LINGO2: variants seen among roughly 807,000 people sequenced by gnomAD.
The protein encoded by LINGO2 is leucine rich repeat and Ig domain containing 2.
Under a neutral mutation model 30.6 loss-of-function variants are expected in LINGO2, and 14 were observed. The ratio of observed to expected loss-of-function variants is 0.46; its 90% CI spans 0.30 to 0.72. The LOEUF is 0.72. Among genes scored for constraint, LINGO2 ranks in the 30% least tolerant of loss-of-function variants. The pLI is 0.07. For missense variants in LINGO2, 729 were observed against 751.7 expected (o/e 0.97, Z 0.35); for synonymous variants, 317 against 288.5 (o/e 1.10, Z -1.00).
chr9:28,184,480 A>T (rs1288362738), intron 4 of LINGO2, among the ~76,000 whole-genome samples: 2 of 152,144 alleles, frequency 1.3e-5, no homozygotes, highest in Admixed American at 1.3e-4. Flanking sequence ...GAACTTCTTA[A>T]GGTTCGACTT....
At chr9:28,240,565 G>T (rs1821746703) in intron 4 of LINGO2, among the ~76,000 whole-genome samples, 1 of 152,114 alleles carries the variant, frequency 6.6e-6, no homozygotes, top group Admixed American at 6.6e-5. Flanking sequence ...TTCAATAAAT[G>T]GTGCTGGGAA....
At chr9:28,321,127 C>A (rs1405744660) in intron 3 of LINGO2, among the ~76,000 whole-genome samples, 2 of 152,080 alleles carry the variant, frequency 1.3e-5, no homozygotes, top group African/African-American at 4.8e-5. Flanking sequence ...GAAATTAAAA[C>A]ACTCACTTCA....
intron 4 of LINGO2, among the ~76,000 whole-genome samples, chr9:28,243,704 G>GGGA (rs755117670): frequency 6.6e-6 from 1 of 151,766 alleles, no homozygotes; most frequent in Non-Finnish European, 1.5e-5. Context: ...AACCAAAAAA[G>GGGA]ATTAAAAGAA....
intron 2 of LINGO2, among the ~76,000 whole-genome samples, chr9:28,419,622 G>T (rs1315787698): frequency 6.7e-6 from 1 of 149,648 alleles, no homozygotes; most frequent in African/African-American, 2.5e-5. Flanking sequence ...AAAAAGAAAA[G>T]AAAATATCAC....
At chr9:28,123,107 G>A (rs1318131481) in intron 4 of LINGO2, among the ~76,000 whole-genome samples, 3 of 152,000 alleles carry the variant, frequency 2.0e-5, no homozygotes, top group Non-Finnish European at 4.4e-5. Flanking sequence ...TTTTTGTTGA[G>A]ATCAAAGTTG....
chr9:28,304,480 G>C (rs1388138688), intron 3 of LINGO2, among the ~76,000 whole-genome samples: 5 of 151,790 alleles, frequency 3.3e-5, no homozygotes, highest in African/African-American at 1.2e-4. Flanking sequence ...GTATATCCCT[G>C]AAACCAACAC....
At position 28,589,290 on chromosome 9, in the gene LINGO2, G is replaced by A. The variant is rs570732754; in HGVS notation, c.-365+80910C>T. Among the ~76,000 whole-genome samples, 25 of 152,224 alleles carry A rather than the reference G, an allele frequency of 1.6e-4. No homozygotes were observed. The South Asian group carries it at 5.0e-3, about 30-fold the overall frequency. On this transcript the variant is annotated intron_variant, in intron 1 of 5. Transcript: ENST00000379992. ...ACTCCTATTCAACATAGTGTTGGAA[G>A]TTCTGGCCAGGGCAGTCAGGCAGGA... is the stretch of plus-strand genomic sequence containing the variant.
the LINGO2 span, among the ~76,000 whole-genome samples, chr9:28,969,335 A>G: frequency 2.7e-4 from 41 of 152,248 alleles, 1 homozygote; most frequent in East Asian, 7.0e-3. Flanking sequence ...TCCAAGCAAG[A>G]GTAACAGCAA....
chr9:29,013,017 C>T, the LINGO2 span, among the ~76,000 whole-genome samples: 1 of 152,284 alleles, frequency 6.6e-6, no homozygotes, highest in South Asian at 2.1e-4. Flanking sequence ...CCCAAGATGA[C>T]TGTCTACAGC....
chr9:29,116,175 T>C, the LINGO2 span, among the ~76,000 whole-genome samples: 1 of 143,680 alleles, frequency 7.0e-6, no homozygotes, highest in Non-Finnish European at 1.5e-5. Context: ...AAGAGATTAA[T>C]ACAAAACATA....
intron 1 of LINGO2, among the ~76,000 whole-genome samples, chr9:28,593,006 G>A (rs1047960138): frequency 2.6e-5 from 4 of 151,904 alleles, no homozygotes; most frequent in Non-Finnish European, 4.4e-5. Flanking sequence ...AGCCATATTG[G>A]GTGGAATTTG....
the LINGO2 span, among the ~76,000 whole-genome samples, chr9:29,119,192 G>A: frequency 6.6e-6 from 1 of 152,058 alleles, no homozygotes; most frequent in African/African-American, 2.4e-5. Flanking sequence ...TAGACAAGTG[G>A]GATGATCACA....
At chr9:28,879,505 A>C in the LINGO2 span, among the ~76,000 whole-genome samples, 1 of 152,196 alleles carries the variant, frequency 6.6e-6, no homozygotes, top group African/African-American at 2.4e-5. Flanking sequence ...TTTCATACAC[A>C]GCTAGATTCT....
intron 1 of LINGO2, among the ~76,000 whole-genome samples, chr9:28,499,349 A>G (rs768493958): frequency 1.3e-5 from 2 of 152,180 alleles, no homozygotes; most frequent in African/African-American, 2.4e-5. Context: ...TTCAATATGT[A>G]TATAAGAATA....
At chr9:28,017,514 A>G (rs2119323986) in intron 4 of LINGO2, among the ~76,000 whole-genome samples, 1 of 152,296 alleles carries the variant, frequency 6.6e-6, no homozygotes, top group African/African-American at 2.4e-5. Context: ...AAATAAATGT[A>G]CATAAATCAG....
At position 28,099,839 on chromosome 9, in the gene LINGO2, T is replaced by G. The variant is rs549721158; in HGVS notation, c.-86-87434A>C. Among the ~76,000 whole-genome samples, 4 of 152,284 alleles carry G rather than the reference T, an allele frequency of 2.6e-5. No homozygotes were observed. In the East Asian group the frequency reaches 5.8e-4, roughly 22 times the overall value. On this transcript the variant is annotated intron_variant, in intron 4 of 5. Coordinates refer to ENST00000379992, the Ensembl canonical transcript of LINGO2. ...CACTGCCCCCAAAGTTGCCATGCTC[T>G]TGCCCTCCTGTCCTCTTGTTCAACT...
the LINGO2 span, among the ~76,000 whole-genome samples, chr9:28,873,489 A>G: frequency 6.6e-6 from 1 of 152,162 alleles, no homozygotes; most frequent in Middle Eastern, 3.2e-3. Context: ...AAAATGGCTA[A>G]GATCTGGAAC....
chr9:28,714,422 G>C, the LINGO2 span, among the ~76,000 whole-genome samples: 353 of 152,002 alleles, frequency 2.3e-3, 1 homozygote, highest in African/African-American at 8.3e-3. Context: ...AAATCTGCCA[G>C]TTGCTCTGTA....
chr9:28,433,949 C>CTATATATATATATA (rs375073572), intron 2 of LINGO2, among the ~76,000 whole-genome samples: 21 of 88,536 alleles, frequency 2.4e-4, no homozygotes, highest in African/African-American at 9.4e-4. Context: ...CTCTCTCTCT[C>CTATATATATATATA]TATATATATA....
Sources: gnomAD v4.1 joint callset for allele counts (sites outside exome capture counted in the v4.1 genomes callset) on GRCh38, gnomAD v4.1.1 for gene constraint, MANE v1.5 for transcripts, NCBI Gene and HGNC (gene_info 2026-07-23, HGNC 2026-07-21) for gene names.